UNC13C: variants seen among roughly 807,000 people sequenced by gnomAD.
UNC13C encodes unc-13 homolog C.
UNC13C carries 174 observed loss-of-function variants against 245.4 expected under a neutral mutation model. That is an observed-to-expected ratio of 0.71 (90% CI 0.63 to 0.80). The LOEUF is 0.80. Among genes scored for constraint, UNC13C ranks in the 30% least tolerant of loss-of-function variants. The pLI is 0.00. For missense variants in UNC13C, 2,829 were observed against 2,602.9 expected (o/e 1.09, Z -1.89); for synonymous variants, 992 against 895.1 (o/e 1.11, Z -1.93).
chr15:54,224,007 A>G (rs1343143021), intron 4 of UNC13C, among the ~76,000 whole-genome samples: 1 of 152,126 alleles, frequency 6.6e-6, no homozygotes, highest in Non-Finnish European at 1.5e-5. Flanking sequence ...ACTTTACTAA[A>G]TTTGTTGATC....
chr15:54,000,807 C>A (rs560402164), intron 1 of UNC13C, among the ~76,000 whole-genome samples: 1 of 152,284 alleles, frequency 6.6e-6, no homozygotes, highest in East Asian at 1.9e-4. Context: ...CTTTAGACTT[C>A]ATAAATTAGA....
In UNC13C at chr15:54,140,921, GT is replaced by G. The variant is rs532602842; in HGVS notation, c.2984-2095del. Reference sequence around the variant, plus strand: ...AAAACAGTCAAAGTGAACAAAAAAGGTTCACTGGCCATAAATATGTGTTCAG... The same window carrying G: ...AAAACAGTCAAAGTGAACAAAAAAGGTCACTGGCCATAAATATGTGTTCAG... On this transcript the variant is annotated intron_variant, in intron 2 of 32. Transcript: ENST00000260323. Among the ~76,000 whole-genome samples, 864 of 152,268 alleles carry G rather than the reference GT, an allele frequency of 5.7e-3. 6 individuals are homozygous for G. The highest frequency in any genetic ancestry group is 0.02 in the African/African-American group (826 of 41,550).
At chr15:54,299,185 A>G (rs572670159) in intron 12 of UNC13C, among the ~76,000 whole-genome samples, 65 of 152,316 alleles carry the variant, frequency 4.3e-4, no homozygotes, top group African/African-American at 1.5e-3. Flanking sequence ...AGTACACTTC[A>G]CTTTACAAAG....
At chr15:54,358,489 A>G (rs1356792040) in intron 17 of UNC13C, among the ~76,000 whole-genome samples, 3 of 152,076 alleles carry the variant, frequency 2.0e-5, no homozygotes, top group Non-Finnish European at 4.4e-5. Flanking sequence ...ATCTTCTTCA[A>G]TTGATTTCAT....
At chr15:53,963,765 A>T in the UNC13C span, among the ~76,000 whole-genome samples, 3 of 152,108 alleles carry the variant, frequency 2.0e-5, no homozygotes, top group African/African-American at 7.2e-5. Flanking sequence ...AAGAGGTGAA[A>T]CCTACAAGAG....
intron 2 of UNC13C, chr15:54,048,500 T>C (rs928040117): frequency 1.7e-6 from 1 of 601,086 alleles, no homozygotes; most frequent in Admixed American, 1.9e-5. Flanking sequence ...CTCCTGTATG[T>C]TTCCACTAAA....
At chr15:54,394,474 A>G (rs972695263) in intron 18 of UNC13C, among the ~76,000 whole-genome samples, 2 of 151,810 alleles carry the variant, frequency 1.3e-5, no homozygotes, top group Non-Finnish European at 2.9e-5. Context: ...TCATCGCATC[A>G]TGGGTCCTGG....
At position 54,368,365 on chromosome 15, in the gene UNC13C, T is replaced by C. The variant is rs561994302; in HGVS notation, c.4714-24683T>C. On this transcript the variant is annotated intron_variant, in intron 17 of 32. Transcript: ENST00000260323. ...GAGCCTTTTAAATTATCAAATCTTC[T>C]TTCCATATTCAAATCGAATGTTATC... Among the ~76,000 whole-genome samples, 7 of 152,116 alleles carry C rather than the reference T, an allele frequency of 4.6e-5. No individual in the cohort carries two copies. The South Asian group carries it at 1.4e-3, about 31-fold the overall frequency.
chr15:54,141,318 T>C (rs1248316836), intron 2 of UNC13C, among the ~76,000 whole-genome samples: 1 of 152,186 alleles, frequency 6.6e-6, no homozygotes, highest in Non-Finnish European at 1.5e-5. Context: ...TTTTGACTTC[T>C]AATAATTATA....
At chr15:53,923,926 G>A in the UNC13C span, among the ~76,000 whole-genome samples, 3,036 of 152,374 alleles carry the variant, frequency 0.02, 57 homozygotes, top group East Asian at 0.07. Context: ...GACAGCACGG[G>A]CTGGGCGCGG....
At chr15:54,479,722 T>C (rs1892996967) in intron 19 of UNC13C, among the ~76,000 whole-genome samples, 1 of 152,098 alleles carries the variant, frequency 6.6e-6, no homozygotes, top group African/African-American at 2.4e-5. Flanking sequence ...CCTTTTAGTT[T>C]TTTTTTCTGT....
At chr15:54,477,642 A>T (rs75308759) in intron 19 of UNC13C, among the ~76,000 whole-genome samples, 1 of 107,082 alleles carries the variant, frequency 9.3e-6, no homozygotes, top group Non-Finnish European at 2.0e-5. Flanking sequence ...ACCAGCCTTG[A>T]ATCCCAGGGA....
intron 24 of UNC13C, among the ~76,000 whole-genome samples, chr15:54,517,851 T>A (rs546068016): frequency 6.6e-6 from 1 of 152,320 alleles, no homozygotes; most frequent in South Asian, 2.1e-4. Flanking sequence ...AATGTGAAGA[T>A]ATCCTTCAGA....
chr15:53,911,356 G>A, the UNC13C span: 1 of 152,236 alleles, frequency 6.6e-6, no homozygotes, highest in East Asian at 1.9e-4. Context: ...CTGATGCTGA[G>A]GAGGAGGTTC....
chr15:54,108,953 G>T (rs1356240525), intron 2 of UNC13C, among the ~76,000 whole-genome samples: 1 of 152,152 alleles, frequency 6.6e-6, no homozygotes. Flanking sequence ...TAGCCTGGCG[G>T]AATTCTGATG....
chr15:54,519,188 A>C (rs1180069156), intron 24 of UNC13C, among the ~76,000 whole-genome samples: 4 of 152,098 alleles, frequency 2.6e-5, no homozygotes, highest in Non-Finnish European at 5.9e-5. Flanking sequence ...GACAATCCGC[A>C]TGTTAGCAAT....
chr15:54,143,097 G>A (rs1376878298), intron 3 of UNC13C, 57 bp downstream of exon 3: 9 of 1,487,098 alleles, frequency 6.1e-6, no homozygotes, highest in Non-Finnish European at 7.5e-6. Flanking sequence ...GTACATGTTT[G>A]TTTGTGACAT....
intron 2 of UNC13C, among the ~76,000 whole-genome samples, chr15:54,121,722 T>C (rs1177690197): frequency 2.0e-5 from 3 of 152,048 alleles, no homozygotes; most frequent in Non-Finnish European, 4.4e-5. Flanking sequence ...GTGTATTGTC[T>C]TTATATATTA....
At chr15:54,167,515 A>AG (rs1270092249) in intron 4 of UNC13C, among the ~76,000 whole-genome samples, 11 of 147,264 alleles carry the variant, frequency 7.5e-5, no homozygotes, top group African/African-American at 1.7e-4. Context: ...AAAAAAAAAA[A>AG]AAAAGAAAAG....
Sources: gnomAD v4.1 joint callset for allele counts (sites outside exome capture counted in the v4.1 genomes callset) on GRCh38, gnomAD v4.1.1 for gene constraint, MANE v1.5 for transcripts, NCBI Gene and HGNC (gene_info 2026-07-23, HGNC 2026-07-21) for gene names.